PDE1C: variants seen among roughly 807,000 people sequenced by gnomAD.
PDE1C encodes dual specificity calcium/calmodulin-dependent 3',5'-cyclic nucleotide phosphodiesterase 1C.
A neutral mutation model predicts 93.1 loss-of-function variants in PDE1C; 62 were observed. That is an observed-to-expected ratio of 0.67 (90% CI 0.54 to 0.82). The LOEUF (loss-of-function observed/expected upper bound fraction) is 0.82. PDE1C is among the 40% of genes least tolerant of loss of function. The probability of loss-of-function intolerance (pLI) is 0.00; values close to 1 mark genes in which losing one functional copy is unlikely to be tolerated. For synonymous variants in PDE1C, 325 were observed against 310.1 expected (o/e 1.05, Z -0.50); for missense variants, 742 against 884.6 (o/e 0.84, Z 2.04).
intron 6 of PDE1C, among the ~76,000 whole-genome samples, chr7:31,868,399 T>C (rs964713479): frequency 5.3e-5 from 8 of 152,084 alleles, no homozygotes; most frequent in African/African-American, 1.9e-4. Context: ...ATTCATTTAA[T>C]GAAATACAAA....
At chr7:31,723,870 C>G in the PDE1C span, among the ~76,000 whole-genome samples, 1 of 152,178 alleles carries the variant, frequency 6.6e-6, no homozygotes, top group African/African-American at 2.4e-5. Context: ...AATACATACA[C>G]GCAAATCCAC....
chr7:31,649,296 G>A, the PDE1C span, among the ~76,000 whole-genome samples: 1 of 152,154 alleles, frequency 6.6e-6, no homozygotes, highest in East Asian at 1.9e-4. Context: ...TAGAGAGGAA[G>A]GGTAAGAAAT....
Position 32,229,664 on chromosome 7 carries a change from A to G in PDE1C, c.86-20125T>C, listed in dbSNP as rs911513871. ...CTGGAAAAGATGTTGGCAATCTGTA[A>G]TCTACCTCAAAACTTTCCCTTTGCA... On this transcript the variant is annotated intron_variant, in intron 1 of 18. Coordinates refer to the PDE1C transcript ENST00000396193. 2.0e-5 allele frequency among the ~76,000 whole-genome samples: 3 copies of G among 152,212 alleles called. No homozygotes were observed. The South Asian group carries it at 6.2e-4, about 32-fold the overall frequency.
intron 1 of PDE1C, among the ~76,000 whole-genome samples, chr7:32,252,044 G>T (rs752333794): frequency 6.6e-6 from 1 of 152,136 alleles, no homozygotes; most frequent in Non-Finnish European, 1.5e-5. Context: ...ATAGAGCCAG[G>T]ATACTTAGTG....
At chr7:32,233,671 C>T (rs754646454) in intron 1 of PDE1C, among the ~76,000 whole-genome samples, 4 of 152,022 alleles carry the variant, frequency 2.6e-5, no homozygotes, top group Non-Finnish European at 5.9e-5. Context: ...AACAACAAAG[C>T]TTCAAAATAC....
At chr7:31,722,247 T>C in the PDE1C span, among the ~76,000 whole-genome samples, 1 of 152,284 alleles carries the variant, frequency 6.6e-6, no homozygotes, top group African/African-American at 2.4e-5. Context: ...TGCAGGCACC[T>C]TGCTCCCACT....
chr7:32,165,455 G>A (rs1418028336), intron 3 of PDE1C, among the ~76,000 whole-genome samples: 1 of 152,210 alleles, frequency 6.6e-6, no homozygotes, highest in Admixed American at 6.5e-5. Flanking sequence ...AAGGAAAGAG[G>A]TTTAATTGAC....
At chr7:32,355,639 G>A (rs1273419741) in intron 1 of PDE1C, among the ~76,000 whole-genome samples, 1 of 152,140 alleles carries the variant, frequency 6.6e-6, no homozygotes, top group African/African-American at 2.4e-5. Context: ...AGTTCCCTTA[G>A]CAGTTTGTTC....
chr7:32,238,306 T>C (rs1808283471), intron 1 of PDE1C, among the ~76,000 whole-genome samples: 1 of 152,158 alleles, frequency 6.6e-6, no homozygotes, highest in Non-Finnish European at 1.5e-5. Context: ...ATCAAAACCA[T>C]TATGAAGAAA....
At chr7:32,077,725 C>G in intron 3 of PDE1C, 1 of 299,474 alleles carries the variant, frequency 3.3e-6, no homozygotes, top group Non-Finnish European at 4.9e-6. Context: ...CACCCACCAC[C>G]ACACCCGGCT....
the PDE1C span, among the ~76,000 whole-genome samples, chr7:31,688,628 A>C: frequency 2.7e-4 from 41 of 152,334 alleles, no homozygotes; most frequent in Middle Eastern, 3.4e-3. Flanking sequence ...TGTGACATCA[A>C]TTTACATATT....
intron 1 of PDE1C, among the ~76,000 whole-genome samples, chr7:32,287,831 G>T (rs187951951): frequency 9.1e-4 from 139 of 152,318 alleles, no homozygotes; most frequent in Admixed American, 7.3e-3. Flanking sequence ...ATTAGATGAC[G>T]TGAGGGTAGG....
intron 2 of PDE1C, among the ~76,000 whole-genome samples, chr7:31,884,037 T>C (rs1289410098): frequency 6.6e-6 from 1 of 152,146 alleles, no homozygotes; most frequent in African/African-American, 2.4e-5. Flanking sequence ...TTTGGATGCG[T>C]GGGAGGCACT....
intron 17 of PDE1C, among the ~76,000 whole-genome samples, chr7:31,768,684 A>T (rs892320801): frequency 6.6e-6 from 1 of 152,160 alleles, no homozygotes; most frequent in African/African-American, 2.4e-5. Context: ...TTTTATGGTC[A>T]CTAGTCACTC....
At chr7:31,761,947 G>T (rs1011924979) in intron 17 of PDE1C, among the ~76,000 whole-genome samples, 1 of 152,114 alleles carries the variant, frequency 6.6e-6, no homozygotes, top group African/African-American at 2.4e-5. Context: ...ACAGGGCAAT[G>T]GTAAGAATAA....
chr7:32,178,619 C>T (rs891263450), intron 2 of PDE1C, among the ~76,000 whole-genome samples: 5 of 152,122 alleles, frequency 3.3e-5, no homozygotes, highest in African/African-American at 1.2e-4. Context: ...AGGAGGTGAG[C>T]ATCTCCCTTC....
rs188999927 is a variant in PDE1C at position 31,967,725 on chromosome 7, C to A, written c.128+83829G>T. 4.1e-3 allele frequency among the ~76,000 whole-genome samples: 628 copies of A among 152,298 alleles called. 3 individuals are homozygous for A. The highest frequency in any genetic ancestry group is 0.014 in the African/African-American group (584 of 41,554). On this transcript the variant is annotated intron_variant, in intron 2 of 17. Transcript: ENST00000396191. ...AATTCCTCAATAAAACACTGGCAAACCAAATCCAGCAGCACATCAAAAAGC... is the reference window on the plus strand; with the variant it reads ...AATTCCTCAATAAAACACTGGCAAAACAAATCCAGCAGCACATCAAAAAGC...
At chr7:31,690,193 G>C in the PDE1C span, among the ~76,000 whole-genome samples, 31 of 152,212 alleles carry the variant, frequency 2.0e-4, no homozygotes, top group Non-Finnish European at 8.8e-5. Flanking sequence ...TTGCTTTTTA[G>C]AATCTTTTCA....
At chr7:31,938,356 A>G (rs1805368691) in intron 2 of PDE1C, among the ~76,000 whole-genome samples, 1 of 146,336 alleles carries the variant, frequency 6.8e-6, no homozygotes, top group Admixed American at 7.0e-5. Context: ...AATTCCAAAT[A>G]ATTTATCTGC....
Sources: allele counts gnomAD v4.1 joint callset (sites outside exome capture counted in the v4.1 genomes callset), GRCh38; gene constraint gnomAD v4.1.1; transcripts MANE v1.5; gene names NCBI Gene and HGNC (gene_info 2026-07-23, HGNC 2026-07-21).